The following HEY2 variants were observed in gnomAD, a reference collection of about 807,000 sequenced individuals.
HEY2 encodes hes related family bHLH transcription factor with YRPW motif 2.
HEY2 carries 10 observed loss-of-function variants against 18.1 expected under a neutral mutation model. The observed-to-expected ratio is 0.55, with a 90% CI of 0.34 to 0.94. The LOEUF is 0.94. Among genes scored for constraint, HEY2 ranks in the 40% least tolerant of loss-of-function variants. The pLI is 0.02. For synonymous variants in HEY2, 210 were observed against 182.7 expected, an observed-to-expected ratio of 1.15 and a Z score of -1.21; for missense variants, 455 against 455.9, an observed-to-expected ratio of 1.00 and a Z score of 0.02.
Position 125,759,701 on chromosome 6 carries a change from C to T in HEY2, c.913C>T (p.Pro305Ser). The T allele has an allele frequency of 6.2e-7, 1 of 1,613,198 alleles. No individual in the cohort carries two copies. Residue 305 changes from proline (P) to serine (S), a missense_variant, in exon 5 of 5, where the codon CCG (proline) becomes TCG (serine). Transcript: ENST00000368364. ...AGTGGCCGCGGCCACAGCCATCAGC[C>T]CGCCCTTGTCAGTATCAGCCACGTC... is the stretch of plus-strand genomic sequence containing the variant. ...AAVAAATAIS[P>S]PLSVSATSSP...
Position 125,759,863 on chromosome 6 carries a change from A to G in HEY2, c.*61A>G. 1 of 1,384,228 alleles carries G rather than the reference A, an allele frequency of 7.2e-7. No individual in the cohort carries two copies. Among genetic ancestry groups the G allele is most frequent in the South Asian group, 1.2e-5 (1 of 80,262 alleles). 85.7% of individuals were successfully genotyped at this position (1,384,228 alleles called of 1,614,324 possible). A position where few individuals can be genotyped will look rare whatever the true frequency, so the allele number is the denominator to read the frequency against. ...TCCTCCATTTCAGAGTCAGCTTAAAACCTCTGCACCCTGAAGGTAGCCATA... is the reference window on the plus strand; with the variant it reads ...TCCTCCATTTCAGAGTCAGCTTAAAGCCTCTGCACCCTGAAGGTAGCCATA... On this transcript the variant is annotated 3_prime_UTR_variant, in exon 5 of 5. Transcript: ENST00000368364.
Position 125,752,025 on chromosome 6 carries a change from C to A in HEY2, c.181C>A (p.Arg61=), listed in dbSNP as rs752507444. 6.2e-7 allele frequency: 1 copy of A among 1,613,428 alleles called. No homozygotes were observed. The highest frequency in any genetic ancestry group is 8.5e-7 in the Non-Finnish European group (1 of 1,179,590). Residue 61 remains arginine (R), a synonymous_variant, in exon 3 of 5, where the codon CGG becomes AGG. Transcript: ENST00000368364. ...TGGATAGATTATAGAGAAAAGGCGT[C>A]GGGATCGGATAAATAACAGTTTATC... ...KRRGIIEKRR[R]DRINNSLSEL...
At chr6:125,752,879 C>A (rs930771202) in intron 3 of HEY2, among the ~76,000 whole-genome samples, 4 of 152,176 alleles carry the variant, frequency 2.6e-5, no homozygotes, top group Non-Finnish European at 5.9e-5. Context: ...CAGTTTAATT[C>A]CAATAAGACA....
At chr6:125,749,897 G>T in intron 1 of HEY2, 38 bp downstream of exon 1, 1 of 1,503,642 alleles carries the variant, frequency 6.7e-7, no homozygotes, top group Non-Finnish European at 9.1e-7. Context: ...CGCAGCTCGG[G>T]AGCTTGGGGT....
In HEY2 at chr6:125,759,376, G is replaced by GCTCCAGCCCAA; in HGVS notation, c.590_600dup (p.Gly201SerfsTer150). ...CCTTCCACCACCTGCCCGCAGCCCTGCTCCAGCCCAACGGCCTCCATGCCT... is the reference window on the plus strand; with the variant it reads ...CCTTCCACCACCTGCCCGCAGCCCTGCTCCAGCCCAACTCCAGCCCAACGGCCTCCATGCCT... On this transcript the variant is annotated frameshift_variant, in exon 5 of 5. Transcript: ENST00000368364. LOFTEE classifies it low-confidence loss of function (END_TRUNC). 6.2e-7 allele frequency: 1 copy of GCTCCAGCCCAA among 1,607,544 alleles called. No individual in the cohort carries two copies.
Position 125,754,500 on chromosome 6 carries a change from A to G in HEY2, c.282A>G (p.Gln94=). Residue 94 remains glutamine, a synonymous_variant, in exon 4 of 5, where the codon CAA becomes CAG. Transcript: ENST00000368364. ...SAKLEKAEIL[Q]MTVDHLKMLQ... ...AGTTAGAAAAAGCTGAAATATTGCA[A>G]ATGACAGTGGATCATTTGAAGATGC... 1 of 1,603,700 alleles carries G rather than the reference A, an allele frequency of 6.2e-7. No homozygotes were observed. Among genetic ancestry groups the G allele is most frequent in the Non-Finnish European group, 8.5e-7 (1 of 1,174,400 alleles).
chr6:125,759,021 C>A, intron 4 of HEY2, 96 bp from the exon 5 acceptor site: 1 of 817,754 alleles, frequency 1.2e-6, no homozygotes, highest in Non-Finnish European at 1.9e-6. Flanking sequence ...CAGAGTGGAA[C>A]ATCAGTGGGT....
At chr6:125,749,986 T>A in intron 1 of HEY2, 127 bp downstream of exon 1, 1 of 841,040 alleles carries the variant, frequency 1.2e-6, no homozygotes, top group Non-Finnish European at 1.9e-6. Context: ...AAGTTTGGCC[T>A]GAGAAAGTTT....
intron 4 of HEY2, among the ~76,000 whole-genome samples, chr6:125,758,325 A>T (rs1210569162): frequency 1.3e-5 from 2 of 152,010 alleles, no homozygotes; most frequent in African/African-American, 2.4e-5. Flanking sequence ...ATTAATATAC[A>T]TTTTTTTTCT....
intron 4 of HEY2, among the ~76,000 whole-genome samples, chr6:125,755,066 G>C (rs1273537908): frequency 2.0e-5 from 3 of 152,042 alleles, no homozygotes; most frequent in Non-Finnish European, 2.9e-5. Flanking sequence ...ATTTTTGCTT[G>C]GTCTTGAATT....
At chr6:125,750,371 G>C in intron 1 of HEY2, 1 of 985,454 alleles carries the variant, frequency 1.0e-6, no homozygotes. Context: ...TAACGCAAGA[G>C]TGAGTGACAG....
Position 125,759,359 on chromosome 6 carries a change from C to A in HEY2, c.571C>A (p.His191Asn). 1 of 1,605,206 alleles carries A rather than the reference C, an allele frequency of 6.2e-7. No individual in the cohort carries two copies. The highest frequency in any genetic ancestry group is 8.5e-7 in the Non-Finnish European group (1 of 1,176,946). The change falls in exon 5 of 5, where the codon CAC becomes AAC. Residue 191 changes from histidine to asparagine, a missense_variant. Coordinates refer to ENST00000368364, the MANE Select transcript of HEY2 (RefSeq NM_012259.3). ...GCATCACTGGGCCGCCGCCTTCCAC[C>A]ACCTGCCCGCAGCCCTGCTCCAGCC... ...HPHHWAAAFH[H>N]LPAALLQPNG...
intron 4 of HEY2, among the ~76,000 whole-genome samples, chr6:125,755,284 G>C (rs1454921393): frequency 6.6e-6 from 1 of 152,150 alleles, no homozygotes; most frequent in African/African-American, 2.4e-5. Flanking sequence ...AAACAGCCTT[G>C]AGATCCTAGT....
In HEY2 at chr6:125,759,963, C is replaced by A; in HGVS notation, c.*161C>A. 3.0e-6 allele frequency: 2 copies of A among 667,842 alleles called. No homozygotes were observed. Among genetic ancestry groups the A allele is most frequent in the Non-Finnish European group, 5.0e-6 (2 of 400,588 alleles). The allele number at this position is 667,842 out of a possible 1,614,324, so 41.4% of individuals were successfully genotyped here. On this transcript the variant is annotated 3_prime_UTR_variant, in exon 5 of 5. Transcript: ENST00000368364. Reference sequence around the variant, plus strand: ...ACCTCACGAGTGGAAATGTGGTATTCTCTTTTTTTTCTCTCCCTTTTTTGT... The same window carrying A: ...ACCTCACGAGTGGAAATGTGGTATTATCTTTTTTTTCTCTCCCTTTTTTGT...
At position 125,759,406 on chromosome 6, in the gene HEY2, G is replaced by A. The variant is rs751444142; in HGVS notation, c.618G>A (p.Glu206=). Residue 206 remains glutamate (E), a synonymous_variant, in exon 5 of 5, where the codon GAG becomes GAA. Transcript: ENST00000368364. The stretch of plus-strand genomic sequence containing the variant: ...AGCCCAACGGCCTCCATGCCTCAGA[G>A]TCAACCCCTTGTCGCCTCTCCACAA... ...LLQPNGLHAS[E]STPCRLSTTS... is the part of the protein sequence containing the mutation. The A allele has an allele frequency of 1.9e-6, 3 of 1,610,980 alleles. No homozygotes were observed. Among genetic ancestry groups the A allele is most frequent in the Non-Finnish European group, 2.5e-6 (3 of 1,179,536 alleles).
At chr6:125,757,031 A>G (rs6916590) in intron 4 of HEY2, among the ~76,000 whole-genome samples, 2,456 of 152,356 alleles carry the variant, frequency 0.016, 61 homozygotes, top group African/African-American at 0.056. Flanking sequence ...CATAGCAGGC[A>G]AACCACAAAT....
rs149344840 is a variant in HEY2, at chr6:125,759,764, C to A, written c.976C>A (p.Pro326Thr). The change falls in exon 5 of 5, where the codon CCT (proline) becomes ACT (threonine). Residue 326 changes from proline to threonine, a missense_variant. Transcript: ENST00000368364. ...QQTSSGTNNK[P>T]YRPWGTEVGA... ...GACCAGCAGTGGAACAAACAATAAA[C>A]CTTACCGACCCTGGGGGACAGAAGT... 30 of 1,613,834 alleles carry A rather than the reference C, an allele frequency of 1.9e-5. No homozygotes were observed. The African/African-American group carries it at 3.6e-4, about 19-fold the overall frequency.
rs1293085736 is a variant in HEY2 at position 125,760,460 on chromosome 6, C to CCTCTTGGT, written c.*658_*659insCTCTTGGT. The CCTCTTGGT allele has an allele frequency of 6.6e-6, 1 of 152,344 alleles. No individual in the cohort carries two copies. Among genetic ancestry groups the CCTCTTGGT allele is most frequent in the Non-Finnish European group, 1.5e-5 (1 of 68,198 alleles). The allele number at this position is 152,344 out of a possible 1,614,324, so 9.4% of individuals were successfully genotyped here. A position where few individuals can be genotyped will look rare whatever the true frequency, so the allele number is the denominator to read the frequency against. Reference sequence around the variant, plus strand: ...TTTGTACAGACATGCCAAGAGGTGACATTTAGCAGTGCATTGGTATAAGCA... The same window carrying CCTCTTGGT: ...TTTGTACAGACATGCCAAGAGGTGACCTCTTGGTATTTAGCAGTGCATTGGTATAAGCA... On this transcript the variant is annotated 3_prime_UTR_variant, in exon 5 of 5. Transcript: ENST00000368364.
chr6:125,756,293 T>C (rs1457237970), intron 4 of HEY2, among the ~76,000 whole-genome samples: 1 of 150,212 alleles, frequency 6.7e-6, no homozygotes, highest in Non-Finnish European at 1.5e-5. Context: ...GGCGGCTGGG[T>C]GTGGTGGCTC....
Sources: allele counts gnomAD v4.1 joint callset (sites outside exome capture counted in the v4.1 genomes callset), GRCh38; gene constraint gnomAD v4.1.1; transcripts MANE v1.5; gene names NCBI Gene and HGNC (gene_info 2026-07-23, HGNC 2026-07-21).